Variants in FBN3 observed in about 807,000 individuals in gnomAD.
FBN3 encodes fibrillin-3.
A neutral mutation model predicts 330.1 loss-of-function variants in FBN3; 234 were observed. That is an observed-to-expected ratio of 0.71 (90% CI 0.64 to 0.79). FBN3 has a LOEUF of 0.79. Ranked by LOEUF, FBN3 falls within the 30% of genes least tolerant of loss-of-function variation. The pLI, the probability that FBN3 is intolerant of heterozygous loss-of-function variation, is 0.00. For synonymous variants in FBN3, 1,458 were observed against 1,517.3 expected (o/e 0.96, Z 0.91); for missense variants, 3,606 against 3,886.9 (o/e 0.93, Z 1.92).
In FBN3 at chr19:8,108,246, G is replaced by A; in HGVS notation, c.4619-8C>T. 2 of 1,605,126 alleles carry A rather than the reference G, an allele frequency of 1.2e-6. No individual in the cohort carries two copies. Among genetic ancestry groups the A allele is most frequent in the South Asian group, 1.1e-5 (1 of 89,622 alleles). The stretch of plus-strand genomic sequence containing the variant: ...ACAGGGTTCTGTACTCAGCTGTAAA[G>A]GGAAACAGGCTCCTGTGAGGTGGGG... On this transcript the variant is annotated splice_region_variant and splice_polypyrimidine_tract_variant and intron_variant, in intron 36 of 63. Coordinates refer to ENST00000600128, the MANE Select transcript of FBN3 (RefSeq NM_032447.5).
Position 8,102,868 on chromosome 19 carries a change from T to A in FBN3, c.4945A>T (p.Arg1649Trp). Residue 1649 changes from arginine (R) to tryptophan (W), a missense_variant, in exon 40 of 64, where the codon AGG becomes TGG. Transcript: ENST00000600128. ...VNGGNNCMDMRKSVCFRHYNG... is the reference protein window; with the variant it reads ...VNGGNNCMDMWKSVCFRHYNG... ...TAGTGCCGGAAGCAGACACTCTTCC[T>A]CATATCTGTAGTTGGCACAAAGGAG... is the stretch of plus-strand genomic sequence containing the variant. 1 of 1,614,136 alleles carries A rather than the reference T, an allele frequency of 6.2e-7. No individual in the cohort carries two copies. The highest frequency in any genetic ancestry group is 8.5e-7 in the Non-Finnish European group (1 of 1,179,988).
intron 49 of FBN3, 50 bp from the exon 50 acceptor site, chr19:8,090,009 C>G: frequency 1.9e-6 from 3 of 1,600,992 alleles, no homozygotes; most frequent in Non-Finnish European, 2.6e-6. Context: ...GGTGCAGCCC[C>G]CAGGTGTGTG....
At chr19:8,117,712 G>T in intron 26 of FBN3, 123 bp from the exon 27 acceptor site, 1 of 1,134,450 alleles carries the variant, frequency 8.8e-7, no homozygotes, top group South Asian at 1.6e-5. Context: ...GCACAGCCCC[G>T]CATGTGCCTA....
At chr19:8,118,726 T>G (rs1421818985) in intron 26 of FBN3, among the ~76,000 whole-genome samples, 171 bp downstream of exon 26, 1 of 151,936 alleles carries the variant, frequency 6.6e-6, no homozygotes, top group Non-Finnish European at 1.5e-5. Context: ...TAAACCCACT[T>G]ACACACACAG....
At position 8,147,189 on chromosome 19, in the gene FBN3, T is replaced by C. The variant is rs1262950888; in HGVS notation, c.168-3A>G. On this transcript the variant is annotated splice_region_variant and splice_polypyrimidine_tract_variant and intron_variant, in intron 2 of 63. Coordinates refer to ENST00000600128, the MANE Select transcript of FBN3 (RefSeq NM_032447.5). Reference sequence around the variant, plus strand: ...ACCGGGAGCCGCACACATTCGGCCTTCGGGGACAGCGAGATGGGTCTGGTG... The same window carrying C: ...ACCGGGAGCCGCACACATTCGGCCTCCGGGGACAGCGAGATGGGTCTGGTG... 3 of 1,565,892 alleles carry C rather than the reference T, an allele frequency of 1.9e-6. No homozygotes were observed. The highest frequency in any genetic ancestry group is 2.7e-5 in the African/African-American group (2 of 73,818).
At chr19:8,088,035 A>G (rs780665710) in intron 52 of FBN3, 25 bp downstream of exon 52, 5 of 1,614,098 alleles carry the variant, frequency 3.1e-6, no homozygotes, top group Admixed American at 1.7e-5. Context: ...CACACGGCCC[A>G]GGTCCTGGGC....
At chr19:8,138,037 CCT>C in intron 10 of FBN3, 102 bp downstream of exon 10, 1 of 1,321,668 alleles carries the variant, frequency 7.6e-7, no homozygotes, top group South Asian at 1.5e-5. Context: ...AAGCCCTAAC[CCT>C]CTCTCTGAGG....
chr19:8,111,109 A>G lies in FBN3; in HGVS notation c.4159T>C (p.Cys1387Arg), dbSNP rs748018088. 2.0e-5 allele frequency: 32 copies of G among 1,613,494 alleles called. No individual in the cohort carries two copies. The highest frequency in any genetic ancestry group is 2.7e-5 in the Non-Finnish European group (32 of 1,179,716). The change falls in exon 33 of 64, where the codon TGT becomes CGT. Residue 1387 changes from cysteine (C) to arginine (R), a missense_variant. Cys to Arg is a radical substitution (Grantham distance 180). Transcript: ENST00000600128. ...GGGTCAAAGCCCATCTCACATTCAC[A>G]GCGGTACCCGCCGGGCGCATTGAGG... ...QCLNAPGGYR[C>R]ECEMGFDPTE...
intron 25 of FBN3, among the ~76,000 whole-genome samples, chr19:8,120,208 C>G (rs569344965): frequency 7.3e-6 from 1 of 137,872 alleles, no homozygotes; most frequent in Non-Finnish European, 1.5e-5. Flanking sequence ...CTCGCTCTGT[C>G]GCCCAGGCTG....
intron 63 of FBN3, among the ~76,000 whole-genome samples, chr19:8,071,669 A>AG (rs1413966790): frequency 3.3e-5 from 5 of 152,082 alleles, no homozygotes; most frequent in Non-Finnish European, 7.4e-5. Flanking sequence ...CCAGGAGGTG[A>AG]GGGGGTGACA....
In FBN3 at chr19:8,133,125, G is replaced by A. The variant is rs771225339; in HGVS notation, c.1592-19C>T. 4 of 1,558,520 alleles carry A rather than the reference G, an allele frequency of 2.6e-6. No homozygotes were observed. Among genetic ancestry groups the A allele is most frequent in the South Asian group, 2.4e-5 (2 of 84,810 alleles). ...TTGTGGTCTGGGGACAACAGCAGAG[G>A]CTGGGTCCAGGCAGGGACCACACTG... is the stretch of plus-strand genomic sequence containing the variant. On this transcript the variant is annotated intron_variant, in intron 13 of 63. Transcript: ENST00000600128.
intron 63 of FBN3, among the ~76,000 whole-genome samples, chr19:8,068,252 G>A (rs111281472): frequency 0.14 from 21,458 of 151,524 alleles, 2,012 homozygotes; most frequent in East Asian, 0.42. Context: ...TTAGCTAGGC[G>A]TAGTGTCAGG....
chr19:8,123,317 G>T, intron 24 of FBN3, 147 bp downstream of exon 24: 9 of 826,590 alleles, frequency 1.1e-5, no homozygotes, highest in African/African-American at 1.8e-5. Flanking sequence ...TCGTGCCATT[G>T]CACTCCAGCC....
rs143363197 is a variant in FBN3, at chr19:8,129,016, G to A, written c.2296+12C>T. 8.0e-5 allele frequency: 128 copies of A among 1,608,496 alleles called. No individual in the cohort carries two copies. Among genetic ancestry groups the A allele is most frequent in the Admixed American group, 5.0e-5 (3 of 59,680 alleles). ...TGTGTGTGCAAACCCACGTGAGCCC[G>A]GGACCCAGTACCTTTGCAGATCTCC... is the stretch of plus-strand genomic sequence containing the variant. On this transcript the variant is annotated intron_variant, in intron 18 of 63. Coordinates refer to ENST00000600128, the MANE Select transcript of FBN3 (RefSeq NM_032447.5). The surrounding 1 kb of genome is among the most constrained non-coding windows in gnomAD (Gnocchi z 4.5).
At chr19:8,082,598 A>G (rs137980635) in intron 57 of FBN3, among the ~76,000 whole-genome samples, 1 of 151,790 alleles carries the variant, frequency 6.6e-6, no homozygotes, top group East Asian at 2.0e-4. Context: ...GGTTCAAACG[A>G]TTCTCCTGCC....
Position 8,121,222 on chromosome 19 carries a change from G to T in FBN3, c.3211+36C>A. The T allele has an allele frequency of 6.5e-7, 1 of 1,547,306 alleles. No homozygotes were observed. Among genetic ancestry groups the T allele is most frequent in the South Asian group, 1.2e-5 (1 of 81,532 alleles). On this transcript the variant is annotated intron_variant, in intron 25 of 63. Transcript: ENST00000600128. This position sits in a 1 kb window ranked among gnomAD's most constrained non-coding sequence, Gnocchi z 4.5. ...CTCTCCTCAATGCCCTCCCTGCCCA[G>T]GGCGCCCACCACACCCCTGCCCGGC...
intron 59 of FBN3, among the ~76,000 whole-genome samples, chr19:8,080,480 T>C (rs1360426638): frequency 6.6e-6 from 1 of 152,152 alleles, no homozygotes; most frequent in Non-Finnish European, 1.5e-5. Flanking sequence ...CAAGATGCCA[T>C]AAGCCAAGGC....
rs921967679 is a variant in FBN3, at chr19:8,111,505, G to A, written c.4084+143C>T. 5.2e-5 allele frequency: 50 copies of A among 963,284 alleles called. No homozygotes were observed. In the South Asian group the frequency reaches 5.6e-4, roughly 11 times the overall value. 59.7% of individuals were successfully genotyped at this position (963,284 alleles called of 1,614,324 possible). A position where few individuals can be genotyped will look rare whatever the true frequency, so the allele number is the denominator to read the frequency against. The stretch of plus-strand genomic sequence containing the variant: ...GGCAGGCCGCAGCACCGCCTGGGCC[G>A]AGGACACAGCCTCTCCAGCACCCAC... On this transcript the variant is annotated intron_variant, in intron 32 of 63. Transcript: ENST00000600128.
rs763121475 is a variant in FBN3 at position 8,123,971 on chromosome 19, C to T, written c.2769G>A (p.Glu923=). 25 of 1,614,124 alleles carry T rather than the reference C, an allele frequency of 1.5e-5. No homozygotes were observed. The highest frequency in any genetic ancestry group is 1.6e-4 in the Middle Eastern group (1 of 6,062). The change falls in exon 23 of 64, where the codon GAG becomes GAA. Residue 923 remains glutamate (E), a synonymous_variant. Transcript: ENST00000600128. ...CAGGCAGGGTGACCCCACACTCATC[C>T]TCATCCCATCGCAGGAAACATGGTT... The part of the protein sequence containing the change: ...RLEPCFLRWD[E]DECGVTLPGK...
Sources: allele counts gnomAD v4.1 joint callset (sites outside exome capture counted in the v4.1 genomes callset), GRCh38; gene constraint gnomAD v4.1.1; non-coding constraint Gnocchi (gnomAD v3.1); transcripts MANE v1.5; gene names NCBI Gene and HGNC (gene_info 2026-07-23, HGNC 2026-07-21).